Variants in TPR observed in about 807,000 individuals in gnomAD.
TPR encodes nucleoprotein TPR.
TPR carries 51 observed loss-of-function variants against 316.1 expected under a neutral mutation model. That is an observed-to-expected ratio of 0.16 (90% CI 0.13 to 0.20). The LOEUF is 0.20. Among genes scored for constraint, TPR ranks in the 10% least tolerant of loss-of-function variants. The pLI is 1.00. For synonymous variants in TPR, 981 were observed against 914.7 expected (o/e 1.07, Z -1.31); for missense variants, 2,272 against 2,754.8 (o/e 0.82, Z 3.92).
Position 186,374,909 on chromosome 1 carries a change from C to A in TPR, c.120G>T (p.Lys40Asn). ...CCACCTTAAATTTCTCATGCCGCCCCTTCAGGCCATCGATCTCGGATTGCT... is the reference window on the plus strand; with the variant it reads ...CCACCTTAAATTTCTCATGCCGCCCATTCAGGCCATCGATCTCGGATTGCT... The part of the protein sequence containing the change: ...ADQQSEIDGL[K>N]GRHEKFKVES... Residue 40 changes from lysine to asparagine, a missense_variant, in exon 1 of 51, where the codon AAG becomes AAT. Physicochemically the swap from Lys to Asn is moderately conservative, Grantham distance 94 (BLOSUM62 0). Transcript: ENST00000367478. 6.2e-7 allele frequency: 1 copy of A among 1,603,106 alleles called. No individual in the cohort carries two copies. Among genetic ancestry groups the A allele is most frequent in the Non-Finnish European group, 8.5e-7 (1 of 1,170,812 alleles).
chr1:186,371,194 T>A, intron 2 of TPR, 151 bp from the exon 3 acceptor site: 1 of 630,282 alleles, frequency 1.6e-6, no homozygotes, highest in Non-Finnish European at 2.7e-6. Context: ...AATTCATGAA[T>A]GCATTCAAAA....
chr1:186,358,187 T>A (rs1456668841), intron 13 of TPR, among the ~76,000 whole-genome samples: 1 of 152,206 alleles, frequency 6.6e-6, no homozygotes, highest in Non-Finnish European at 1.5e-5. Flanking sequence ...TATATGCTCA[T>A]GTATATACAC....
Position 186,352,085 on chromosome 1 carries a change from T to C in TPR, c.2360A>G (p.Glu787Gly). ...AEVRAENLKK[E>G]KEMLKLSEVR... ...TTCAGACAATTTAAGCATTTCCTTTTCCTTCTTCAAATTTTCTGCTCTTAC... is the reference window on the plus strand; with the variant it reads ...TTCAGACAATTTAAGCATTTCCTTTCCCTTCTTCAAATTTTCTGCTCTTAC... Residue 787 changes from glutamate (E) to glycine (G), a missense_variant, in exon 19 of 51, where the codon GAA (glutamate) becomes GGA (glycine). Coordinates refer to ENST00000367478, the MANE Select transcript of TPR (RefSeq NM_003292.3). The C allele has an allele frequency of 2.5e-6, 4 of 1,602,806 alleles. No homozygotes were observed. Among genetic ancestry groups the C allele is most frequent in the Non-Finnish European group, 3.4e-6 (4 of 1,176,878 alleles).
chr1:186,328,315 G>C (rs1658060338), intron 39 of TPR, among the ~76,000 whole-genome samples: 1 of 152,106 alleles, frequency 6.6e-6, no homozygotes, highest in Non-Finnish European at 1.5e-5. Flanking sequence ...AAATTTGTTA[G>C]TAGCCACTTA....
intron 50 of TPR, 152 bp from the exon 51 acceptor site, chr1:186,314,178 A>G (rs1657493887): frequency 3.2e-6 from 2 of 625,970 alleles, no homozygotes; most frequent in South Asian, 4.6e-5. Context: ...TATTACAAGC[A>G]GATTAATCCC....
chr1:186,345,700 A>C lies in TPR; in HGVS notation c.3097-4T>G, dbSNP rs1283451440. ...GTGTTTTCTTCAATTCAGATAACTA[A>C]GCAGAAAGAACAAGATTAAAACCAA... On this transcript the variant is annotated splice_polypyrimidine_tract_variant and splice_region_variant and intron_variant, in intron 23 of 50. Transcript: ENST00000367478. The C allele has an allele frequency of 3.1e-6, 5 of 1,596,428 alleles. No homozygotes were observed. In the African/African-American group the frequency reaches 6.7e-5, roughly 21 times the overall value.
intron 21 of TPR, among the ~76,000 whole-genome samples, chr1:186,349,713 A>T (rs1658801122): frequency 6.6e-6 from 1 of 151,958 alleles, no homozygotes; most frequent in African/African-American, 2.4e-5. Flanking sequence ...AAGATTATCA[A>T]GACACAAAGG....
chr1:186,320,665 G>C (rs1040659978), intron 45 of TPR, among the ~76,000 whole-genome samples: 3 of 152,176 alleles, frequency 2.0e-5, no homozygotes, highest in African/African-American at 7.2e-5. Context: ...CAGCTCTCCT[G>C]AACTATGCCT....
Position 186,322,398 on chromosome 1 carries a change from A to G in TPR, c.6381T>C (p.Phe2127=). 1 of 1,611,994 alleles carries G rather than the reference A, an allele frequency of 6.2e-7. No individual in the cohort carries two copies. The highest frequency in any genetic ancestry group is 2.2e-5 in the East Asian group (1 of 44,822). ...PGIGGMQQHF[F]DDEDRTVPST... is the part of the protein sequence containing the mutation. The stretch of plus-strand genomic sequence containing the variant: ...TTGGAACTGTTCTGTCTTCATCATC[A>G]AAAAAATGCTGTTGCTAAAACAAAG... The change falls in exon 45 of 51, where the codon TTT becomes TTC. Residue 2127 remains phenylalanine (F), a synonymous_variant. Coordinates refer to ENST00000367478, the MANE Select transcript of TPR (RefSeq NM_003292.3).
At position 186,312,893 on chromosome 1, in the gene TPR, A is replaced by C. The variant is rs760956044; in HGVS notation, c.*1078T>G. ...GCTATGATTACTATGCCTTTTCTAAAGGTAAGGTATTAACTAACAGTTTCC... is the reference window on the plus strand; with the variant it reads ...GCTATGATTACTATGCCTTTTCTAACGGTAAGGTATTAACTAACAGTTTCC... On this transcript the variant is annotated 3_prime_UTR_variant, in exon 51 of 51. Coordinates refer to ENST00000367478, the MANE Select transcript of TPR (RefSeq NM_003292.3). 1 of 1,611,850 alleles carries C rather than the reference A, an allele frequency of 6.2e-7. No individual in the cohort carries two copies. The highest frequency in any genetic ancestry group is 2.2e-5 in the East Asian group (1 of 44,838).
intron 15 of TPR, 94 bp from the exon 16 acceptor site, chr1:186,355,862 A>C: frequency 1.4e-6 from 2 of 1,391,116 alleles, no homozygotes; most frequent in East Asian, 2.3e-5. Flanking sequence ...TTATCAAATA[A>C]ACAAGCTAAA....
intron 2 of TPR, among the ~76,000 whole-genome samples, chr1:186,371,797 A>AT (rs1479846161): frequency 6.6e-6 from 1 of 152,160 alleles, no homozygotes; most frequent in Non-Finnish European, 1.5e-5. Flanking sequence ...TAAATTTTCT[A>AT]TTTTGTTTTA....
chr1:186,351,468 TC>T lies in TPR; in HGVS notation c.2471del (p.Gly824GlufsTer18). On this transcript the variant is annotated frameshift_variant and splice_region_variant, in exon 20 of 51. Coordinates refer to ENST00000367478, the MANE Select transcript of TPR (RefSeq NM_003292.3). LOFTEE classifies it high-confidence loss of function. ...LLLTNLQTIQ[G>X]ILERSETETK... ...TTTCTGTTTCAGATCGCTCCAGTAT[TC>T]CCTAAAGCAAAGAAAAGATTTTTGG... 6.4e-7 allele frequency: 1 copy of T among 1,567,832 alleles called. No homozygotes were observed. Among genetic ancestry groups the T allele is most frequent in the Non-Finnish European group, 8.6e-7 (1 of 1,163,934 alleles).
Position 186,331,485 on chromosome 1 carries a change from T to C in TPR, c.5688+13A>G, listed in dbSNP as rs1658164897. 6.3e-7 allele frequency: 1 copy of C among 1,591,934 alleles called. No homozygotes were observed. Among genetic ancestry groups the C allele is most frequent in the South Asian group, 1.1e-5 (1 of 88,760 alleles). The stretch of plus-strand genomic sequence containing the variant: ...AAGCAACGGTGTGGTACTTTAGGTA[T>C]GTTTTTACTTACTTCTCCAATGGAA... On this transcript the variant is annotated intron_variant, in intron 39 of 50. Transcript: ENST00000367478.
intron 49 of TPR, among the ~76,000 whole-genome samples, chr1:186,316,678 G>T (rs891870046): frequency 6.6e-6 from 1 of 152,186 alleles, no homozygotes; most frequent in Non-Finnish European, 1.5e-5. Flanking sequence ...GACTTCTTCA[G>T]TGTAATCGTT....
At chr1:186,357,877 T>C (rs1047136304) in intron 13 of TPR, among the ~76,000 whole-genome samples, 1 of 152,204 alleles carries the variant, frequency 6.6e-6, no homozygotes, top group African/African-American at 2.4e-5. Context: ...TCCCAAAACA[T>C]GGCTCCAGTT....
intron 5 of TPR, 43 bp downstream of exon 5, chr1:186,363,299 T>C (rs376865498): frequency 8.3e-6 from 12 of 1,452,264 alleles, no homozygotes; most frequent in Non-Finnish European, 1.1e-5. Flanking sequence ...TGAGTTTTAA[T>C]AAAAAGCTAT....
intron 45 of TPR, among the ~76,000 whole-genome samples, chr1:186,320,746 T>C (rs1299730665): frequency 6.6e-6 from 1 of 152,156 alleles, no homozygotes; most frequent in Non-Finnish European, 1.5e-5. Flanking sequence ...ACATAAAACA[T>C]AACAAAAAGA....
In TPR at chr1:186,362,318, A is replaced by G. The variant is rs1659219603; in HGVS notation, c.759T>C (p.His253=). 1 of 1,612,496 alleles carries G rather than the reference A, an allele frequency of 6.2e-7. No homozygotes were observed. Among genetic ancestry groups the G allele is most frequent in the East Asian group, 2.2e-5 (1 of 44,768 alleles). Residue 253 remains histidine, a synonymous_variant, in exon 7 of 51, where the codon CAT becomes CAC. Coordinates refer to ENST00000367478, the MANE Select transcript of TPR (RefSeq NM_003292.3). ...LKTSNEHLQK[H]VEDLLTKLKE... ...TTAATTTGGTCAACAGATCCTCCAC[A>G]TGCTTTTGAAGATGTTCATTTGATG...
Sources: allele counts gnomAD v4.1 joint callset (sites outside exome capture counted in the v4.1 genomes callset), GRCh38; gene constraint gnomAD v4.1.1; transcripts MANE v1.5; gene names NCBI Gene and HGNC (gene_info 2026-07-23, HGNC 2026-07-21).